The following PRIM2 variants were observed in gnomAD, a reference collection of about 807,000 sequenced individuals.
The protein encoded by PRIM2 is DNA primase subunit 2.
A neutral mutation model predicts 67.3 loss-of-function variants in PRIM2; 39 were observed. That is an observed-to-expected ratio of 0.58 (90% CI 0.45 to 0.76). The LOEUF is 0.76. Among genes scored for constraint, PRIM2 ranks in the 30% least tolerant of loss-of-function variants. The pLI, the probability that PRIM2 is intolerant of heterozygous loss-of-function variation, is 0.00. For missense variants in PRIM2, 398 were observed against 598.7 expected (o/e 0.66, Z 3.50); for synonymous variants, 143 against 198.7 (o/e 0.72, Z 2.36).
At chr6:57,522,388 G>A (rs1460415004) in intron 8 of PRIM2, among the ~76,000 whole-genome samples, 3 of 152,132 alleles carry the variant, frequency 2.0e-5, no homozygotes, top group African/African-American at 7.2e-5. Context: ...ATACAATAAT[G>A]CTATCCAGTA....
chr6:57,593,274 A>T (rs1353812010), intron 10 of PRIM2, among the ~76,000 whole-genome samples: 1 of 151,882 alleles, frequency 6.6e-6, no homozygotes, highest in Non-Finnish European at 1.5e-5. Flanking sequence ...CCTAGACAGA[A>T]ACATATGTTT....
the PRIM2 span, among the ~76,000 whole-genome samples, chr6:57,261,604 C>T: frequency 3.9e-5 from 6 of 152,230 alleles, no homozygotes; most frequent in Non-Finnish European, 8.8e-5. Flanking sequence ...ATGGCAATGT[C>T]TTCCTCCTCT....
chr6:57,408,887 T>A (rs1185418240), intron 7 of PRIM2, among the ~76,000 whole-genome samples: 4 of 152,130 alleles, frequency 2.6e-5, no homozygotes, highest in African/African-American at 9.7e-5. Context: ...ATTTGTAAAA[T>A]TTTTTGTAGA....
the PRIM2 span, among the ~76,000 whole-genome samples, chr6:57,249,262 G>A: frequency 6.6e-6 from 1 of 152,082 alleles, no homozygotes; most frequent in Non-Finnish European, 1.5e-5. Flanking sequence ...CACATTTGCT[G>A]AGCAATTTTT....
the PRIM2 span, among the ~76,000 whole-genome samples, chr6:57,305,294 A>G: frequency 2.0e-5 from 3 of 152,214 alleles, no homozygotes; most frequent in Admixed American, 6.5e-5. Context: ...GAAGGATTAC[A>G]TCATAAAGTG....
At chr6:57,485,486 A>G (rs1416904674) in intron 7 of PRIM2, among the ~76,000 whole-genome samples, 1 of 152,086 alleles carries the variant, frequency 6.6e-6, no homozygotes, top group African/African-American at 2.4e-5. Context: ...AGTTAGATGT[A>G]TGTTTGTAAC....
intron 12 of PRIM2, among the ~76,000 whole-genome samples, chr6:57,614,676 G>A (rs1262489428): frequency 5.0e-4 from 76 of 152,162 alleles, no homozygotes; most frequent in East Asian, 2.1e-3. Context: ...CGATGAAACC[G>A]CGTCTCTACT....
At chr6:57,578,669 G>GTT (rs1582000493) in intron 10 of PRIM2, among the ~76,000 whole-genome samples, 2 of 112,042 alleles carry the variant, frequency 1.8e-5, no homozygotes, top group South Asian at 3.0e-4. Context: ...TCCTTCTTTT[G>GTT]TTTTTTGTTT....
At chr6:57,429,429 G>A (rs1771746833) in intron 7 of PRIM2, among the ~76,000 whole-genome samples, 1 of 152,110 alleles carries the variant, frequency 6.6e-6, no homozygotes, top group Non-Finnish European at 1.5e-5. Flanking sequence ...TGCTGACATT[G>A]GACTAAGTGG....
At chr6:57,585,869 T>C (rs1776178871) in intron 10 of PRIM2, among the ~76,000 whole-genome samples, 1 of 152,212 alleles carries the variant, frequency 6.6e-6, no homozygotes, top group African/African-American at 2.4e-5. Context: ...TCTAAGTCCA[T>C]CTTGTGTTCA....
chr6:57,396,059 C>T (rs12197159), intron 7 of PRIM2, among the ~76,000 whole-genome samples: 4 of 152,290 alleles, frequency 2.6e-5, no homozygotes, highest in African/African-American at 7.2e-5. Flanking sequence ...TATTGAGGCT[C>T]GTTTCATGGC....
At chr6:57,638,576 C>CAA (rs1227220865) in intron 13 of PRIM2, among the ~76,000 whole-genome samples, 1,295 of 31,976 alleles carry the variant, frequency 0.04, 77 homozygotes, top group African/African-American at 0.081. Flanking sequence ...AAACAGAAAG[C>CAA]AAAAAAAAAA....
intron 5 of PRIM2, among the ~76,000 whole-genome samples, chr6:57,338,387 C>T (rs1348818248): frequency 5.9e-5 from 9 of 152,006 alleles, no homozygotes; most frequent in East Asian, 1.9e-4. Flanking sequence ...ATACCAAAGC[C>T]GGGCAGAGAC....
At chr6:57,589,189 T>C (rs1776243760) in intron 10 of PRIM2, among the ~76,000 whole-genome samples, 1 of 151,992 alleles carries the variant, frequency 6.6e-6, no homozygotes, top group Admixed American at 6.6e-5. Context: ...TCCCAGAGAG[T>C]ATGCACCTAG....
intron 13 of PRIM2, among the ~76,000 whole-genome samples, chr6:57,638,576 CAAAAA>C (rs1227220865): frequency 5.0e-3 from 160 of 32,038 alleles, no homozygotes; most frequent in Admixed American, 8.3e-3. Context: ...AAACAGAAAG[CAAAAA>C]AAAAAAAAAA....
intron 7 of PRIM2, among the ~76,000 whole-genome samples, chr6:57,417,473 C>T (rs1276166000): frequency 1.3e-5 from 2 of 152,146 alleles, no homozygotes; most frequent in African/African-American, 2.4e-5. Context: ...CTTCCTTTCA[C>T]GTCAATACTT....
At chr6:57,329,527 A>T (rs1482348661) in intron 5 of PRIM2, among the ~76,000 whole-genome samples, 2 of 152,122 alleles carry the variant, frequency 1.3e-5, no homozygotes, top group East Asian at 3.9e-4. Flanking sequence ...CATGGAAAGG[A>T]CTTGGTGGGA....
At chr6:57,272,014 C>A in the PRIM2 span, among the ~76,000 whole-genome samples, 1 of 152,136 alleles carries the variant, frequency 6.6e-6, no homozygotes, top group Non-Finnish European at 1.5e-5. Context: ...AATTTCTGTT[C>A]TTTTACATTT....
intron 7 of PRIM2, among the ~76,000 whole-genome samples, chr6:57,471,416 G>A (rs1303031514): frequency 1.9e-4 from 29 of 152,236 alleles, no homozygotes; most frequent in African/African-American, 6.7e-4. Flanking sequence ...AGGATGGAGG[G>A]AGAATGGATT....
Sources: gnomAD v4.1 joint callset for allele counts (sites outside exome capture counted in the v4.1 genomes callset) on GRCh38, gnomAD v4.1.1 for gene constraint, MANE v1.5 for transcripts, NCBI Gene and HGNC (gene_info 2026-07-23, HGNC 2026-07-21) for gene names.